Variants in OTULIN observed in about 807,000 individuals in gnomAD.
OTULIN encodes ubiquitin thioesterase otulin.
A neutral mutation model predicts 39.6 loss-of-function variants in OTULIN; 15 were observed. The observed-to-expected ratio is 0.38, with a 90% CI of 0.25 to 0.58. The LOEUF (loss-of-function observed/expected upper bound fraction) is 0.58. Ranked by LOEUF, OTULIN falls within the 20% of genes least tolerant of loss-of-function variation. OTULIN has a pLI of 0.66. For missense variants in OTULIN, 319 were observed against 445.9 expected (o/e 0.72, Z 2.56); for synonymous variants, 156 against 170.3 (o/e 0.92, Z 0.65).
Position 14,681,583 on chromosome 5 carries a change from G to A in OTULIN, c.444G>A (p.Trp148Ter). 2 of 1,613,850 alleles carry A rather than the reference G, an allele frequency of 1.2e-6. No individual in the cohort carries two copies. The highest frequency in any genetic ancestry group is 1.7e-6 in the Non-Finnish European group (2 of 1,179,956). ...AMSQAVGLPP[W>*]LQDPELMLLP... ...GCCAGGCTGTGGGGCTGCCGCCCTGGCTGCAGGACCCGGAGCTCATGCTGG... is the reference window on the plus strand; with the variant it reads ...GCCAGGCTGTGGGGCTGCCGCCCTGACTGCAGGACCCGGAGCTCATGCTGG... The change falls in exon 4 of 7, where the codon TGG becomes TGA. Residue 148 changes from tryptophan to a stop codon, truncating the protein, a stop_gained. Coordinates refer to ENST00000284274, the MANE Select transcript of OTULIN (RefSeq NM_138348.6). LOFTEE classifies it high-confidence loss of function.
intron 4 of OTULIN, among the ~76,000 whole-genome samples, chr5:14,687,155 G>T (rs1198312486): frequency 6.6e-6 from 1 of 152,194 alleles, no homozygotes; most frequent in Non-Finnish European, 1.5e-5. Flanking sequence ...CGAGCCATGT[G>T]TTAGGTGGTG....
At chr5:14,686,722 T>TA (rs1364436273) in intron 4 of OTULIN, among the ~76,000 whole-genome samples, 1 of 152,250 alleles carries the variant, frequency 6.6e-6, no homozygotes, top group African/African-American at 2.4e-5. Context: ...GGAAGAGTCT[T>TA]ACTTCCCATG....
the OTULIN span, chr5:14,710,074 A>C: frequency 6.6e-6 from 1 of 152,230 alleles, no homozygotes; most frequent in Non-Finnish European, 1.5e-5. Context: ...AGGGAGGACC[A>C]CATAGTGACT....
chr5:14,680,235 C>T (rs1464489733), intron 3 of OTULIN, among the ~76,000 whole-genome samples: 1 of 152,112 alleles, frequency 6.6e-6, no homozygotes, highest in Non-Finnish European at 1.5e-5. Flanking sequence ...CCTGATGGAA[C>T]CTTATGTGTT....
At chr5:14,666,091 C>A (rs1735835613) in intron 1 of OTULIN, among the ~76,000 whole-genome samples, 1 of 152,202 alleles carries the variant, frequency 6.6e-6, no homozygotes, top group East Asian at 1.9e-4. Context: ...GGTTCCTAAT[C>A]GCTGCTTTGC....
At chr5:14,688,122 C>G (rs56750054) in intron 5 of OTULIN, among the ~76,000 whole-genome samples, 1 of 152,134 alleles carries the variant, frequency 6.6e-6, no homozygotes, top group African/African-American at 2.4e-5. Context: ...GAGAGTTTTT[C>G]TGAAACAGAA....
the OTULIN span, among the ~76,000 whole-genome samples, chr5:14,711,951 C>T: frequency 1.3e-4 from 20 of 152,378 alleles, no homozygotes; most frequent in Admixed American, 1.1e-3. Flanking sequence ...GTCTGCCAAC[C>T]CCGCTGGTCC....
chr5:14,665,723 G>A (rs1220439845), intron 1 of OTULIN, among the ~76,000 whole-genome samples: 1 of 152,102 alleles, frequency 6.6e-6, no homozygotes, highest in Non-Finnish European at 1.5e-5. Context: ...TATTTTAACT[G>A]GCTGGAAAGT....
Position 14,687,547 on chromosome 5 carries a change from C to T in OTULIN, c.495C>T (p.Tyr165=). The T allele has an allele frequency of 6.2e-7, 1 of 1,613,814 alleles. No homozygotes were observed. Among genetic ancestry groups the T allele is most frequent in the Middle Eastern group, 1.7e-4 (1 of 6,060 alleles). The change falls in exon 5 of 7, where the codon TAC becomes TAT. Residue 165 remains tyrosine (Y), a synonymous_variant. Coordinates refer to ENST00000284274, the MANE Select transcript of OTULIN (RefSeq NM_138348.6). ...TACCAGAAAAACTCATAAGCAAATACAACTGGATCAAGCAATGGAAACTTG... is the reference window on the plus strand; with the variant it reads ...TACCAGAAAAACTCATAAGCAAATATAACTGGATCAAGCAATGGAAACTTG... ...MLLPEKLISK[Y]NWIKQWKLGL... is the part of the protein sequence containing the mutation.
rs896006022 is a variant in OTULIN at position 14,696,390 on chromosome 5, T to G, written c.*3342T>G. 17 of 152,308 alleles carry G rather than the reference T, an allele frequency of 1.1e-4. No homozygotes were observed. Among genetic ancestry groups the G allele is most frequent in the African/African-American group, 3.6e-4 (15 of 41,556 alleles). 9.4% of individuals were successfully genotyped at this position (152,308 alleles called of 1,614,324 possible). On this transcript the variant is annotated 3_prime_UTR_variant, in exon 7 of 7. Coordinates refer to ENST00000284274, the MANE Select transcript of OTULIN (RefSeq NM_138348.6). ...TTTGAAAGCCAGAAGCATAAACCATTGGGGAATCTTAACTTGTAGACATGC... is the reference window on the plus strand; with the variant it reads ...TTTGAAAGCCAGAAGCATAAACCATGGGGGAATCTTAACTTGTAGACATGC...
chr5:14,701,163 C>T (rs1736788913), downstream of OTULIN, among the ~76,000 whole-genome samples: 1 of 152,236 alleles, frequency 6.6e-6, no homozygotes, highest in African/African-American at 2.4e-5. Flanking sequence ...CTCCCCACTT[C>T]TTGTCCCCGG....
chr5:14,707,772 G>A, the OTULIN span: 1 of 152,194 alleles, frequency 6.6e-6, no homozygotes, highest in South Asian at 2.1e-4. Flanking sequence ...AATATTAAAT[G>A]TTTCAGTTTC....
chr5:14,689,712 C>T (rs1736474633), intron 5 of OTULIN, among the ~76,000 whole-genome samples: 1 of 152,232 alleles, frequency 6.6e-6, no homozygotes, highest in South Asian at 2.1e-4. Flanking sequence ...ACACAGGCTT[C>T]ACACACATGT....
At chr5:14,711,439 G>A in the OTULIN span, 9 of 767,764 alleles carry the variant, frequency 1.2e-5, no homozygotes, top group South Asian at 9.0e-5. Flanking sequence ...CTTATGGTTG[G>A]GGTGGCGTCA....
chr5:14,682,162 A>G (rs1177138406), intron 4 of OTULIN, among the ~76,000 whole-genome samples: 4 of 152,218 alleles, frequency 2.6e-5, no homozygotes, highest in South Asian at 2.1e-4. Flanking sequence ...CATGCACTGG[A>G]AAGTCATGTG....
intron 2 of OTULIN, 62 bp from the exon 3 acceptor site, chr5:14,678,619 G>A: frequency 8.6e-7 from 1 of 1,156,576 alleles, no homozygotes; most frequent in South Asian, 1.6e-5. Context: ...CCCAACTGAA[G>A]CAGTATTCTG....
chr5:14,670,124 C>T (rs1389370700), intron 1 of OTULIN, among the ~76,000 whole-genome samples: 1 of 152,164 alleles, frequency 6.6e-6, no homozygotes, highest in East Asian at 1.9e-4. Context: ...TTTGGCTTAA[C>T]TTTTCTTTAC....
chr5:14,705,308 T>C, the OTULIN span: 1 of 152,142 alleles, frequency 6.6e-6, no homozygotes, highest in African/African-American at 2.4e-5. Flanking sequence ...TCTAGATCAC[T>C]GCTAATGTTC....
intron 1 of OTULIN, among the ~76,000 whole-genome samples, chr5:14,672,079 T>C (rs897880870): frequency 1.3e-5 from 2 of 152,180 alleles, no homozygotes; most frequent in Non-Finnish European, 1.5e-5. Flanking sequence ...GCACTCTGCA[T>C]GCAGAGGGCT....
Sources: allele counts gnomAD v4.1 joint callset (sites outside exome capture counted in the v4.1 genomes callset), GRCh38; gene constraint gnomAD v4.1.1; transcripts MANE v1.5; gene names NCBI Gene and HGNC (gene_info 2026-07-23, HGNC 2026-07-21).